Variants in MTPN observed in about 807,000 individuals in gnomAD.
MTPN encodes the protein myotrophin.
In MTPN, 2 loss-of-function variants were observed where a neutral mutation model predicts 13.5. The ratio of observed to expected loss-of-function variants is 0.15; its 90% CI spans 0.06 to 0.47. The LOEUF (loss-of-function observed/expected upper bound fraction) is 0.47, where lower values mean the gene tolerates loss of function less well. Ranked by LOEUF, MTPN falls within the 20% of genes least tolerant of loss-of-function variation. MTPN has a pLI of 0.97. For missense variants in MTPN, 79 were observed against 137.9 expected, an observed-to-expected ratio of 0.57 and a Z score of 2.14; for synonymous variants, 46 against 51.7, an observed-to-expected ratio of 0.89 and a Z score of 0.48.
intron 3 of MTPN, among the ~76,000 whole-genome samples, chr7:135,944,334 T>C (rs978574518): frequency 2.0e-5 from 3 of 152,154 alleles, no homozygotes; most frequent in Non-Finnish European, 2.9e-5. Flanking sequence ...ATGAGTATTA[T>C]AGAAAATATA....
At chr7:135,932,256 A>T (rs1027100592) in intron 3 of MTPN, 1 of 152,096 alleles carries the variant, frequency 6.6e-6, no homozygotes, top group African/African-American at 2.4e-5. Context: ...AAGAAGTTAG[A>T]ACTCATTTCT....
intron 1 of MTPN, among the ~76,000 whole-genome samples, chr7:135,956,018 A>C (rs1214031363): frequency 6.6e-6 from 1 of 152,210 alleles, no homozygotes; most frequent in African/African-American, 2.4e-5. Flanking sequence ...TACCACTTCA[A>C]TGTTGCACTA....
chr7:135,947,442 C>T (rs1273500270), intron 3 of MTPN, among the ~76,000 whole-genome samples: 1 of 152,152 alleles, frequency 6.6e-6, no homozygotes, highest in Non-Finnish European at 1.5e-5. Flanking sequence ...TACTGATCAA[C>T]TCACTTTAAA....
chr7:135,929,963 G>C lies in MTPN; in HGVS notation c.320C>G (p.Ala107Gly). Residue 107 changes from alanine to glycine, a missense_variant, in exon 4 of 4, where the codon GCC (alanine) becomes GGC (glycine). Coordinates refer to ENST00000393085, the MANE Select transcript of MTPN (RefSeq NM_145808.4). Reference protein sequence around the residue: ...KGPDGLTAFEATDNQAIKALL... With the variant: ...KGPDGLTAFEGTDNQAIKALL... Reference sequence around the variant, plus strand: ...AGCTTTGATTGCCTGGTTGTCAGTGGCTTCAAAGGCGGTCAGTCCATCTGG... The same window carrying C: ...AGCTTTGATTGCCTGGTTGTCAGTGCCTTCAAAGGCGGTCAGTCCATCTGG... The C allele has an allele frequency of 6.2e-7, 1 of 1,613,908 alleles. No individual in the cohort carries two copies. The highest frequency in any genetic ancestry group is 8.5e-7 in the Non-Finnish European group (1 of 1,179,892).
At chr7:135,973,169 T>C (rs528158519) in intron 1 of MTPN, among the ~76,000 whole-genome samples, 118 of 149,630 alleles carry the variant, frequency 7.9e-4, no homozygotes, top group African/African-American at 2.8e-3. Context: ...TATTGAGAGA[T>C]CCCTCCACCT....
At chr7:135,960,790 A>T (rs1799509319) in intron 1 of MTPN, 1 of 152,056 alleles carries the variant, frequency 6.6e-6, no homozygotes, top group East Asian at 1.9e-4. Flanking sequence ...ACGCAAATTC[A>T]TGAAACAGTC....
At chr7:135,937,370 TACACACACAC>T (rs35704525) in intron 3 of MTPN, among the ~76,000 whole-genome samples, 11 of 144,498 alleles carry the variant, frequency 7.6e-5, no homozygotes, top group Admixed American at 2.8e-4. Context: ...GCTAACTGGA[TACACACACAC>T]ACACACACAC....
intron 3 of MTPN, among the ~76,000 whole-genome samples, chr7:135,943,580 TA>T (rs1335823600): frequency 6.6e-6 from 1 of 152,242 alleles, no homozygotes; most frequent in Non-Finnish European, 1.5e-5. Context: ...ACATAAAACA[TA>T]AAACATTTTG....
At position 135,945,846 on chromosome 7, in the gene MTPN, A is replaced by G. The variant is rs373570828; in HGVS notation, c.270+4753T>C. Among the ~76,000 whole-genome samples, 4 of 152,180 alleles carry G rather than the reference A, an allele frequency of 2.6e-5. No homozygotes were observed. The East Asian group carries it at 5.8e-4, about 22-fold the overall frequency. On this transcript the variant is annotated intron_variant, in intron 3 of 3. Coordinates refer to ENST00000393085, the MANE Select transcript of MTPN (RefSeq NM_145808.4). ...GTGAGGTAGGTTTGTTTACACCAGCATCTCCATAAGCACACTGTTGACTGA... is the reference window on the plus strand; with the variant it reads ...GTGAGGTAGGTTTGTTTACACCAGCGTCTCCATAAGCACACTGTTGACTGA...
chr7:135,931,616 A>G (rs1799023261), intron 3 of MTPN, among the ~76,000 whole-genome samples: 2 of 152,192 alleles, frequency 1.3e-5, no homozygotes, highest in African/African-American at 4.8e-5. Flanking sequence ...CACAATGGTT[A>G]AGGGATAACT....
intron 3 of MTPN, among the ~76,000 whole-genome samples, chr7:135,944,836 T>G (rs572784068): frequency 6.6e-6 from 1 of 152,172 alleles, no homozygotes; most frequent in African/African-American, 2.4e-5. Flanking sequence ...AGACCTCCAA[T>G]GGATGCCTTG....
chr7:135,935,768 C>T lies in MTPN; in HGVS notation c.271-5756G>A, dbSNP rs138742677. 1.1e-4 allele frequency among the ~76,000 whole-genome samples: 16 copies of T among 152,282 alleles called. No homozygotes were observed. In the East Asian group the frequency reaches 2.9e-3, roughly 28 times the overall value. The stretch of plus-strand genomic sequence containing the variant: ...CTGACTGTGTGGCTACGCCAAACAA[C>T]GTACTGTACTCTAATACATCATGGT... On this transcript the variant is annotated intron_variant, in intron 3 of 3. Coordinates refer to ENST00000393085, the MANE Select transcript of MTPN (RefSeq NM_145808.4).
Position 135,951,643 on chromosome 7 carries a change from C to A in MTPN, c.73-13G>T. 3.2e-6 allele frequency: 5 copies of A among 1,573,050 alleles called. No individual in the cohort carries two copies. In the Middle Eastern group the frequency reaches 5.0e-4, roughly 158 times the overall value. ...TGACATCTTCTCCCTGATAAGAAAA[C>A]CAAATGAAAACAATATTTATATGAA... On this transcript the variant is annotated splice_polypyrimidine_tract_variant and intron_variant, in intron 1 of 3. Transcript: ENST00000393085.
intron 3 of MTPN, among the ~76,000 whole-genome samples, chr7:135,943,230 G>A (rs1459862777): frequency 1.3e-5 from 2 of 152,174 alleles, no homozygotes; most frequent in African/African-American, 4.8e-5. Context: ...TGGAGGTATG[G>A]TAGTAATTCA....
chr7:135,959,667 AG>A (rs1402213681), intron 1 of MTPN, among the ~76,000 whole-genome samples: 1 of 152,162 alleles, frequency 6.6e-6, no homozygotes, highest in Non-Finnish European at 1.5e-5. Context: ...AATTTCTGAA[AG>A]CAATGTTATT....
chr7:135,976,928 C>T, intron 1 of MTPN, 101 bp downstream of exon 1: 142 of 444,272 alleles, frequency 3.2e-4, no homozygotes, highest in South Asian at 9.8e-4. Flanking sequence ...AGTCTCTCCT[C>T]CCGCCCACCC....
At chr7:135,951,737 A>G (rs956551311) in intron 1 of MTPN, 107 bp from the exon 2 acceptor site, 2 of 644,960 alleles carry the variant, frequency 3.1e-6, no homozygotes, top group Non-Finnish European at 2.6e-6. Context: ...GAGTTTCATG[A>G]AACAATTAAC....
chr7:135,975,052 T>C (rs1051429046), intron 1 of MTPN, among the ~76,000 whole-genome samples: 5 of 152,204 alleles, frequency 3.3e-5, no homozygotes, highest in Non-Finnish European at 5.9e-5. Flanking sequence ...ATACTCCCTT[T>C]TGCTTTTTCT....
At chr7:135,935,655 A>C (rs924598590) in intron 3 of MTPN, among the ~76,000 whole-genome samples, 4 of 152,254 alleles carry the variant, frequency 2.6e-5, no homozygotes, top group Admixed American at 6.5e-5. Context: ...CTCACGAAAT[A>C]GAATAAAGAT....
Sources: allele counts gnomAD v4.1 joint callset (sites outside exome capture counted in the v4.1 genomes callset), GRCh38; gene constraint gnomAD v4.1.1; transcripts MANE v1.5; gene names NCBI Gene and HGNC (gene_info 2026-07-23, HGNC 2026-07-21).